Variants in SLC44A5 observed in about 807,000 individuals in gnomAD.
SLC44A5 encodes the protein solute carrier family 44 member 5.
Under a neutral mutation model 101.8 loss-of-function variants are expected in SLC44A5, and 57 were observed. The ratio of observed to expected loss-of-function variants is 0.56; its 90% confidence interval spans 0.45 to 0.70. The LOEUF is 0.70. Ranked by LOEUF, SLC44A5 falls within the 30% of genes least tolerant of loss-of-function variation. SLC44A5 has a pLI of 0.00. For missense variants in SLC44A5, 737 were observed against 853.1 expected (o/e 0.86, Z 1.70); for synonymous variants, 281 against 290.9 (o/e 0.97, Z 0.35).
rs1647028199 is a variant in SLC44A5, at chr1:75,219,321, G to A, written c.1202C>T (p.Pro401Leu). ...CCCTGGAGCTATGACTTTGTATACA[G>A]GTACCCCCGATGTCGCCAAGAAACT... ...TAVFLATSGV[P>L]VYKVIAPGGH... Residue 401 changes from proline (P) to leucine (L), a missense_variant, in exon 16 of 24, where the codon CCT (proline) becomes CTT (leucine). Physicochemically the swap from Pro to Leu is moderately conservative, Grantham distance 98. Coordinates refer to ENST00000370859, the MANE Select transcript of SLC44A5 (RefSeq NM_001130058.2). 1.2e-6 allele frequency: 2 copies of A among 1,612,770 alleles called. No individual in the cohort carries two copies. The highest frequency in any genetic ancestry group is 1.7e-6 in the Non-Finnish European group (2 of 1,179,052).
intron 6 of SLC44A5, among the ~76,000 whole-genome samples, chr1:75,252,080 T>C (rs1413035625): frequency 6.6e-6 from 1 of 152,146 alleles, no homozygotes; most frequent in Non-Finnish European, 1.5e-5. Context: ...CCCGAAGTGT[T>C]TGTTCAACAT....
chr1:75,212,960 G>A (rs1646887399), intron 22 of SLC44A5, among the ~76,000 whole-genome samples: 1 of 152,104 alleles, frequency 6.6e-6, no homozygotes, highest in South Asian at 2.1e-4. Flanking sequence ...TGCCCTTCCT[G>A]CAGGGAATTG....
At chr1:75,255,875 G>A (rs1649977307) in intron 6 of SLC44A5, among the ~76,000 whole-genome samples, 1 of 151,562 alleles carries the variant, frequency 6.6e-6, no homozygotes, top group African/African-American at 2.4e-5. Flanking sequence ...GAAAAGAATT[G>A]TTTTTCAATC....
At chr1:75,460,101 C>G (rs1164700028) in intron 2 of SLC44A5, among the ~76,000 whole-genome samples, 3 of 152,158 alleles carry the variant, frequency 2.0e-5, no homozygotes, top group Non-Finnish European at 4.4e-5. Context: ...ATAAACTATA[C>G]AAATCTGCCT....
the SLC44A5 span, among the ~76,000 whole-genome samples, chr1:75,680,578 A>G: frequency 1.3e-5 from 2 of 151,532 alleles, no homozygotes; most frequent in East Asian, 1.9e-4. Context: ...ACAAAGACAC[A>G]ACATACCAGA....
chr1:75,495,040 G>A (rs774615233), intron 2 of SLC44A5, among the ~76,000 whole-genome samples: 3 of 152,126 alleles, frequency 2.0e-5, no homozygotes, highest in Non-Finnish European at 2.9e-5. Flanking sequence ...AGAGATGGCT[G>A]TCTTACCTAA....
intron 2 of SLC44A5, among the ~76,000 whole-genome samples, chr1:75,469,687 G>A (rs1667000155): frequency 6.6e-6 from 1 of 152,098 alleles, no homozygotes; most frequent in Non-Finnish European, 1.5e-5. Context: ...GGGAGGTGAG[G>A]CAGAAGGATT....
intron 2 of SLC44A5, among the ~76,000 whole-genome samples, chr1:75,522,943 C>T (rs1462635869): frequency 6.6e-6 from 1 of 152,148 alleles, no homozygotes; most frequent in Admixed American, 6.5e-5. Context: ...TTTGATTCCC[C>T]TTAGAGTTCT....
chr1:75,307,497 T>C (rs766611078), intron 4 of SLC44A5, among the ~76,000 whole-genome samples: 95 of 152,224 alleles, frequency 6.2e-4, no homozygotes, highest in Non-Finnish European at 1.2e-3. Context: ...CTGCAGACCA[T>C]GCTGTGAATT....
intron 3 of SLC44A5, among the ~76,000 whole-genome samples, chr1:75,350,483 A>G (rs1431343556): frequency 6.6e-6 from 1 of 151,538 alleles, no homozygotes; most frequent in Non-Finnish European, 1.5e-5. Context: ...AAGTTTATTT[A>G]CAATTACATT....
intron 4 of SLC44A5, among the ~76,000 whole-genome samples, chr1:75,322,410 T>A (rs2100965554): frequency 6.7e-6 from 1 of 150,112 alleles, no homozygotes; most frequent in Non-Finnish European, 1.5e-5. Context: ...AAAAAAAAAA[T>A]CTCATTTCAT....
chr1:75,582,385 C>T (rs1673746039), intron 1 of SLC44A5: 3 of 809,082 alleles, frequency 3.7e-6, no homozygotes, highest in Non-Finnish European at 4.1e-6. Context: ...ATCGACTTGC[C>T]CACATTGCCC....
At chr1:75,305,663 C>A (rs946435922) in intron 4 of SLC44A5, among the ~76,000 whole-genome samples, 1 of 152,214 alleles carries the variant, frequency 6.6e-6, no homozygotes, top group Non-Finnish European at 1.5e-5. Context: ...CCTCTAGACT[C>A]CCCCTCCTGG....
At chr1:75,634,086 G>A in the SLC44A5 span, among the ~76,000 whole-genome samples, 1 of 152,118 alleles carries the variant, frequency 6.6e-6, no homozygotes, top group Admixed American at 6.6e-5. Flanking sequence ...TGATCATGGT[G>A]GATAAGCTTT....
chr1:75,219,988 CT>C, intron 14 of SLC44A5, 96 bp from the exon 15 acceptor site: 1 of 636,292 alleles, frequency 1.6e-6, no homozygotes, highest in Non-Finnish European at 2.6e-6. Context: ...ACCACGGACT[CT>C]TTTTTGGTGA....
intron 3 of SLC44A5, among the ~76,000 whole-genome samples, chr1:75,355,862 A>T (rs898538557): frequency 6.6e-6 from 1 of 152,026 alleles, no homozygotes; most frequent in Non-Finnish European, 1.5e-5. Context: ...TACTGTATTT[A>T]TTTTTTAAAA....
At chr1:75,590,905 C>A (rs1236241977) in intron 1 of SLC44A5, among the ~76,000 whole-genome samples, 1 of 152,166 alleles carries the variant, frequency 6.6e-6, no homozygotes, top group East Asian at 1.9e-4. Flanking sequence ...AGGAGACAGG[C>A]TTTGCCACCT....
chr1:75,684,010 GT>G, the SLC44A5 span, among the ~76,000 whole-genome samples: 3 of 152,254 alleles, frequency 2.0e-5, no homozygotes, highest in Non-Finnish European at 4.4e-5. Context: ...AAGGAAAGAG[GT>G]TTAATAGACT....
At chr1:75,559,623 C>T (rs116008831) in intron 1 of SLC44A5, among the ~76,000 whole-genome samples, 3,727 of 152,224 alleles carry the variant, frequency 0.024, 154 homozygotes, top group African/African-American at 0.085. Context: ...TTCTTGCATA[C>T]ACATTCAAAT....
Sources: gnomAD v4.1 joint callset for allele counts (sites outside exome capture counted in the v4.1 genomes callset) on GRCh38, gnomAD v4.1.1 for gene constraint, MANE v1.5 for transcripts, NCBI Gene and HGNC (gene_info 2026-07-23, HGNC 2026-07-21) for gene names.